Variants in ECT2L observed in about 807,000 individuals in gnomAD.
ECT2L encodes epithelial cell-transforming sequence 2 oncogene-like.
Under a neutral mutation model 122.8 loss-of-function variants are expected in ECT2L, and 126 were observed. That is an observed-to-expected ratio of 1.03 (90% CI 0.89 to 1.19). The LOEUF (loss-of-function observed/expected upper bound fraction) is 1.19. Ranked by LOEUF, ECT2L falls within the 50% of genes most tolerant of loss-of-function variation. The pLI, the probability that ECT2L is intolerant of heterozygous loss-of-function variation, is 0.00. For synonymous variants in ECT2L, 385 were observed against 381.8 expected (o/e 1.01, Z -0.10); for missense variants, 1,012 against 1,064.1 (o/e 0.95, Z 0.68).
At chr6:138,838,604 A>G in intron 5 of ECT2L, 90 bp downstream of exon 5, 1 of 1,315,514 alleles carries the variant, frequency 7.6e-7, no homozygotes, top group Non-Finnish European at 1.0e-6. Context: ...CCCTGAAGAC[A>G]ATAGCTGAGG....
chr6:138,842,322 A>C (rs1469959553), intron 5 of ECT2L, among the ~76,000 whole-genome samples: 2 of 152,076 alleles, frequency 1.3e-5, no homozygotes, highest in South Asian at 2.1e-4. Flanking sequence ...CTAGGTGGGC[A>C]TGGTGGCATG....
intron 15 of ECT2L, 115 bp downstream of exon 15, chr6:138,881,286 CCT>C: frequency 9.7e-7 from 1 of 1,033,084 alleles, no homozygotes. Flanking sequence ...TCTTAGGGAC[CCT>C]GATTATAGCA....
intron 4 of ECT2L, among the ~76,000 whole-genome samples, chr6:138,826,614 C>G (rs183305167): frequency 6.6e-6 from 1 of 152,116 alleles, no homozygotes; most frequent in Admixed American, 6.5e-5. Flanking sequence ...TTGCAGTGAG[C>G]CGAGATTGCA....
intron 11 of ECT2L, among the ~76,000 whole-genome samples, chr6:138,863,534 C>T (rs566308412): frequency 6.6e-6 from 1 of 152,232 alleles, no homozygotes; most frequent in African/African-American, 2.4e-5. Context: ...GCACATTTGG[C>T]TCTGCGGAGA....
At chr6:138,865,985 A>G in intron 12 of ECT2L, among the ~76,000 whole-genome samples, 1 of 152,206 alleles carries the variant, frequency 6.6e-6, no homozygotes, top group African/African-American at 2.4e-5. Flanking sequence ...GTGCAAGTAG[A>G]TATCTGTCAA....
At chr6:138,893,331 A>G (rs911843163) in intron 20 of ECT2L, among the ~76,000 whole-genome samples, 1 of 151,822 alleles carries the variant, frequency 6.6e-6, no homozygotes, top group African/African-American at 2.4e-5. Flanking sequence ...CCTTGAGGTC[A>G]GGCCTTTGTT....
Position 138,822,617 on chromosome 6 carries a change from A to C in ECT2L, c.179+8014A>C, listed in dbSNP as rs568451936. On this transcript the variant is annotated intron_variant, in intron 4 of 21. Coordinates refer to ENST00000541398, the MANE Select transcript of ECT2L (RefSeq NM_001077706.3). ...GTGGAGTCTGAAAAAGGACTGGGTCAGCAAGAATAAAAACACAAAACAGCT... is the reference window on the plus strand; with the variant it reads ...GTGGAGTCTGAAAAAGGACTGGGTCCGCAAGAATAAAAACACAAAACAGCT... 4 of 696,034 alleles carry C rather than the reference A, an allele frequency of 5.7e-6. No homozygotes were observed. In the African/African-American group the frequency reaches 7.2e-5, roughly 13 times the overall value. 43.1% of individuals were successfully genotyped at this position (696,034 alleles called of 1,614,324 possible). A position where few individuals can be genotyped will look rare whatever the true frequency, so the allele number is the denominator to read the frequency against.
intron 1 of ECT2L, among the ~76,000 whole-genome samples, chr6:138,806,129 G>C (rs1775703721): frequency 6.6e-6 from 1 of 152,144 alleles, no homozygotes; most frequent in Non-Finnish European, 1.5e-5. Flanking sequence ...GAGGCTCCTT[G>C]TTCATAACTC....
chr6:138,839,026 C>T (rs1204064140), intron 5 of ECT2L, among the ~76,000 whole-genome samples: 2 of 152,164 alleles, frequency 1.3e-5, no homozygotes, highest in South Asian at 2.1e-4. Flanking sequence ...GTGATCCGCC[C>T]GCCTCGGCCT....
intron 5 of ECT2L, among the ~76,000 whole-genome samples, chr6:138,841,131 C>A (rs946391111): frequency 7.9e-5 from 12 of 152,136 alleles, no homozygotes; most frequent in African/African-American, 2.9e-4. Flanking sequence ...AAATTTTCTA[C>A]CTAGTCATTT....
At chr6:138,864,743 A>C (rs1260373222) in intron 11 of ECT2L, among the ~76,000 whole-genome samples, 4 of 152,180 alleles carry the variant, frequency 2.6e-5, no homozygotes, top group Non-Finnish European at 4.4e-5. Flanking sequence ...TTTTTTCTTT[A>C]AACATTGAAT....
At chr6:138,844,795 CTT>C (rs11398299) in intron 7 of ECT2L, among the ~76,000 whole-genome samples, 12 of 126,662 alleles carry the variant, frequency 9.5e-5, no homozygotes, top group African/African-American at 1.5e-4. Flanking sequence ...TTTAAATGTT[CTT>C]TTTTTTTTTT....
At chr6:138,856,990 C>T (rs935265574) in intron 10 of ECT2L, among the ~76,000 whole-genome samples, 1 of 152,158 alleles carries the variant, frequency 6.6e-6, no homozygotes, top group South Asian at 2.1e-4. Context: ...AATTTTCCTC[C>T]TACCGTCGAA....
intron 16 of ECT2L, among the ~76,000 whole-genome samples, chr6:138,884,119 G>A (rs1778732007): frequency 6.6e-6 from 1 of 152,100 alleles, no homozygotes; most frequent in Non-Finnish European, 1.5e-5. Flanking sequence ...GCCCAACTCT[G>A]TCTCCCAAAG....
At chr6:138,881,367 G>A (rs773897608) in intron 15 of ECT2L, among the ~76,000 whole-genome samples, 196 bp downstream of exon 15, 16 of 151,836 alleles carry the variant, frequency 1.1e-4, no homozygotes, top group Admixed American at 2.0e-4. Flanking sequence ...CCCTTCCCCC[G>A]TTCATAGCCA....
intron 8 of ECT2L, among the ~76,000 whole-genome samples, chr6:138,847,851 T>TACA (rs1777292129): frequency 6.6e-6 from 1 of 152,178 alleles, no homozygotes; most frequent in African/African-American, 2.4e-5. Flanking sequence ...TGTGTATTAG[T>TACA]CTGTTCTCAC....
intron 21 of ECT2L, among the ~76,000 whole-genome samples, chr6:138,901,491 T>A (rs1779394750): frequency 6.6e-6 from 1 of 152,216 alleles, no homozygotes; most frequent in Non-Finnish European, 1.5e-5. Flanking sequence ...TATCTATTAC[T>A]TTCCCATTCT....
chr6:138,864,298 G>A (rs182612061), intron 11 of ECT2L, among the ~76,000 whole-genome samples: 58 of 152,204 alleles, frequency 3.8e-4, no homozygotes, highest in Admixed American at 3.2e-3. Flanking sequence ...CTCCAGACTG[G>A]GTGACAGAGC....
intron 13 of ECT2L, among the ~76,000 whole-genome samples, chr6:138,873,903 T>TGTATGTGTGTGC (rs3070329): frequency 6.6e-6 from 1 of 151,492 alleles, no homozygotes; most frequent in Admixed American, 6.6e-5. Context: ...TGTGTGTGTG[T>TGTATGTGTGTGC]GTGTGTGTGT....
Sources: allele counts gnomAD v4.1 joint callset (sites outside exome capture counted in the v4.1 genomes callset), GRCh38; gene constraint gnomAD v4.1.1; transcripts MANE v1.5; gene names NCBI Gene and HGNC (gene_info 2026-07-23, HGNC 2026-07-21).